JAM3: variants seen among roughly 807,000 people sequenced by gnomAD.
The protein encoded by JAM3 is junctional adhesion molecule 3, also known as junctional adhesion molecule C.
A neutral mutation model predicts 39.4 loss-of-function variants in JAM3; 31 were observed. That is an observed-to-expected ratio of 0.79 (90% CI 0.59 to 1.06). The LOEUF is 1.06. Among genes scored for constraint, JAM3 ranks in the 50% least tolerant of loss-of-function variants. JAM3 has a pLI of 0.00. For synonymous variants in JAM3, 182 were observed against 148.7 expected (o/e 1.22, Z -1.63); for missense variants, 455 against 391.4 (o/e 1.16, Z -1.37).
In JAM3 at chr11:134,148,579, G is replaced by A. The variant is rs374187365; in HGVS notation, c.745G>A (p.Val249Ile). Residue 249 changes from valine to isoleucine, a missense_variant, in exon 7 of 9, where the codon GTT becomes ATT. Transcript: ENST00000299106. ...GAACATTGGCGGAATTATTGGGGGG[G>A]TTCTGGTTGTCCTTGCTGTACTGGC... ...DLNIGGIIGG[V>I]LVVLAVLALI... 1.6e-4 allele frequency: 259 copies of A among 1,614,020 alleles called. No individual in the cohort carries two copies. The highest frequency in any genetic ancestry group is 2.1e-4 in the Non-Finnish European group (248 of 1,180,034).
chr11:134,148,400 A>C (rs1477539172), intron 6 of JAM3, 147 bp from the exon 7 acceptor site: 2 of 865,744 alleles, frequency 2.3e-6, no homozygotes, highest in Non-Finnish European at 3.8e-6. Flanking sequence ...GAAGGATTGT[A>C]AGTGTTCTCT....
intron 1 of JAM3, among the ~76,000 whole-genome samples, chr11:134,137,145 C>T (rs920264262): frequency 2.0e-5 from 3 of 151,592 alleles, no homozygotes; most frequent in East Asian, 3.9e-4. Flanking sequence ...AAGTATAAAG[C>T]ATTCATTTCT....
chr11:134,090,242 C>T (rs1487285684), intron 1 of JAM3, among the ~76,000 whole-genome samples: 2 of 152,226 alleles, frequency 1.3e-5, no homozygotes, highest in East Asian at 1.9e-4. Context: ...AAATTTTCTC[C>T]CATTCTGTAG....
intron 1 of JAM3, among the ~76,000 whole-genome samples, chr11:134,121,853 C>T (rs879658946): frequency 1.4e-5 from 2 of 139,396 alleles, no homozygotes; most frequent in Non-Finnish European, 3.1e-5. Context: ...ACACACACAC[C>T]CTCCTCCCAA....
chr11:134,117,068 AAAAC>A (rs577090012), intron 1 of JAM3, among the ~76,000 whole-genome samples: 45 of 152,138 alleles, frequency 3.0e-4, no homozygotes, highest in African/African-American at 9.9e-4. Flanking sequence ...ACTTAAAAAA[AAAAC>A]AATCCACGGC....
chr11:134,140,369 C>A (rs531502173), intron 2 of JAM3, among the ~76,000 whole-genome samples: 2 of 152,200 alleles, frequency 1.3e-5, no homozygotes, highest in Admixed American at 1.3e-4. Flanking sequence ...CTTGGCCTCC[C>A]AAAGTGCTAA....
chr11:134,083,835 T>G (rs1941704743), intron 1 of JAM3, among the ~76,000 whole-genome samples: 1 of 152,144 alleles, frequency 6.6e-6, no homozygotes, highest in Non-Finnish European at 1.5e-5. Flanking sequence ...GGAAATCACC[T>G]TACCATCATG....
intron 1 of JAM3, among the ~76,000 whole-genome samples, chr11:134,117,831 C>T (rs1220275872): frequency 7.9e-5 from 12 of 152,198 alleles, no homozygotes; most frequent in Non-Finnish European, 1.8e-4. Flanking sequence ...GTGATCACTC[C>T]TGCACTGTCT....
At chr11:134,125,033 G>A (rs924781274) in intron 1 of JAM3, among the ~76,000 whole-genome samples, 2 of 152,298 alleles carry the variant, frequency 1.3e-5, no homozygotes, top group Non-Finnish European at 2.9e-5. Context: ...CGGTGGCGGC[G>A]GCGCGTCTCC....
chr11:134,147,538 G>C (rs781343076), intron 6 of JAM3, among the ~76,000 whole-genome samples: 12 of 150,160 alleles, frequency 8.0e-5, no homozygotes, highest in Non-Finnish European at 1.3e-4. Context: ...CCAGGCTGGA[G>C]TGCAGTGGCA....
rs755453237 is a variant in JAM3, at chr11:134,140,693, C to T, written c.179C>T (p.Thr60Ile). The T allele has an allele frequency of 1.2e-6, 2 of 1,613,730 alleles. No individual in the cohort carries two copies. Among genetic ancestry groups the T allele is most frequent in the Non-Finnish European group, 1.7e-6 (2 of 1,179,878 alleles). Residue 60 changes from threonine (T) to isoleucine (I), a missense_variant, in exon 3 of 9, where the codon ACA becomes ATA. Coordinates refer to ENST00000299106, the MANE Select transcript of JAM3 (RefSeq NM_032801.5). Reference sequence around the variant, plus strand: ...TCTTGCATCATTACGGATTCGCAGACAAGTGACCCCAGGATCGAGTGGAAG... The same window carrying T: ...TCTTGCATCATTACGGATTCGCAGATAAGTGACCCCAGGATCGAGTGGAAG... Reference protein sequence around the residue: ...ELSCIITDSQTSDPRIEWKKI... With the variant: ...ELSCIITDSQISDPRIEWKKI...
rs75748590 is a variant in JAM3 at position 134,139,511 on chromosome 11, G to A, written c.77-340G>A. 990 of 339,952 alleles carry A rather than the reference G, an allele frequency of 2.9e-3. 7 individuals carry two copies. The highest frequency in any genetic ancestry group is 0.02 in the African/African-American group (931 of 47,006). 21.1% of individuals were successfully genotyped at this position (339,952 alleles called of 1,614,324 possible). ...GAAGAGGGGAAGATGGAGGGAGAAA[G>A]GGCAGAAGGCCCGGGCAGGTCTGGG... On this transcript the variant is annotated intron_variant, in intron 1 of 8. Transcript: ENST00000299106.
chr11:134,145,150 CTTCCT>C (rs1429969220), intron 5 of JAM3, 156 bp downstream of exon 5: 1 of 624,300 alleles, frequency 1.6e-6, no homozygotes, highest in Non-Finnish European at 2.9e-6. Context: ...AATGACCCTT[CTTCCT>C]TTTATAAACA....
At chr11:134,078,996 G>A (rs758967806) in intron 1 of JAM3, among the ~76,000 whole-genome samples, 14 of 152,060 alleles carry the variant, frequency 9.2e-5, no homozygotes, top group Non-Finnish European at 1.6e-4. Context: ...CCAAGATCAC[G>A]CCATTGTACT....
chr11:134,121,904 G>A (rs758794207), intron 1 of JAM3, among the ~76,000 whole-genome samples: 2 of 152,058 alleles, frequency 1.3e-5, no homozygotes, highest in Non-Finnish European at 2.9e-5. Context: ...GTTTGTCATG[G>A]TATTGATCAA....
intron 1 of JAM3, among the ~76,000 whole-genome samples, chr11:134,129,284 T>C (rs1299289740): frequency 6.6e-6 from 1 of 151,998 alleles, no homozygotes; most frequent in African/African-American, 2.4e-5. Flanking sequence ...GCCTGGCTAA[T>C]TTTTTGTATT....
intron 2 of JAM3, 29 bp from the exon 3 acceptor site, chr11:134,140,628 G>C: frequency 5.1e-6 from 8 of 1,578,686 alleles, no homozygotes; most frequent in Non-Finnish European, 7.0e-6. Context: ...CACATTCACC[G>C]AGAGCTCTTT....
At chr11:134,140,626 C>T (rs757259043) in intron 2 of JAM3, 31 bp from the exon 3 acceptor site, 5 of 1,569,082 alleles carry the variant, frequency 3.2e-6, no homozygotes, top group Non-Finnish European at 4.4e-6. Context: ...TCCACATTCA[C>T]CGAGAGCTCT....
chr11:134,069,186 G>A, intron 1 of JAM3, 27 bp downstream of exon 1: 1 of 1,610,428 alleles, frequency 6.2e-7, no homozygotes, highest in Non-Finnish European at 8.5e-7. Context: ...CCGCTGTTGG[G>A]AGACTAGGGT....
Sources: gnomAD v4.1 joint callset for allele counts (sites outside exome capture counted in the v4.1 genomes callset) on GRCh38, gnomAD v4.1.1 for gene constraint, MANE v1.5 for transcripts, NCBI Gene and HGNC (gene_info 2026-07-23, HGNC 2026-07-21) for gene names.